The following DTX1 variants were observed in gnomAD, a reference collection of about 807,000 sequenced individuals.
DTX1 encodes the protein deltex E3 ubiquitin ligase 1, also known as E3 ubiquitin-protein ligase DTX1.
DTX1 carries 26 observed loss-of-function variants against 57.8 expected under a neutral mutation model. The observed-to-expected ratio is 0.45, with a 90% CI of 0.33 to 0.62. DTX1 has a LOEUF of 0.62. DTX1 is among the 20% of genes least tolerant of loss of function. The pLI, the probability that DTX1 is intolerant of heterozygous loss-of-function variation, is 0.02. For synonymous variants in DTX1, 398 were observed against 394.1 expected (o/e 1.01, Z -0.12); for missense variants, 704 against 895.3 (o/e 0.79, Z 2.73).
chr12:113,097,277 A>T lies in DTX1; in HGVS notation c.*338A>T. ...TGTACTTGCCCCCAGGCTGGAAGAG[A>T]AGAGACAGAAAGACCCCATGACCCC... On this transcript the variant is annotated 3_prime_UTR_variant, in exon 10 of 10. Transcript: ENST00000548759. The T allele has an allele frequency of 3.8e-6, 1 of 263,304 alleles. No homozygotes were observed. Among genetic ancestry groups the T allele is most frequent in the Non-Finnish European group, 7.2e-6 (1 of 138,730 alleles). The allele number at this position is 263,304 out of a possible 1,614,324, so 16.3% of individuals were successfully genotyped here. A position where few individuals can be genotyped will look rare whatever the true frequency, so the allele number is the denominator to read the frequency against.
At position 113,077,870 on chromosome 12, in the gene DTX1, CCG is replaced by C; in HGVS notation, c.708_709del (p.Pro237ThrfsTer150). ...CCCCGCGCCCCCGCTGCCGCCGCCG[CCG>C]CCACCTGGAGGGCCTCCAGGCGCGC... ...APPAPPLPPP[P>X]PPGGPPGALA... On this transcript the variant is annotated frameshift_variant, in exon 3 of 10. Coordinates refer to ENST00000548759, the MANE Select transcript of DTX1 (RefSeq NM_004416.3). LOFTEE classifies it high-confidence loss of function. This position sits in a 1 kb window ranked among gnomAD's most constrained non-coding sequence, Gnocchi z 7.8. The C allele has an allele frequency of 1.5e-6, 2 of 1,307,466 alleles. No homozygotes were observed. Among genetic ancestry groups the C allele is most frequent in the Non-Finnish European group, 1.9e-6 (2 of 1,038,134 alleles). The allele number at this position is 1,307,466 out of a possible 1,614,324, so 81.0% of individuals were successfully genotyped here.
chr12:113,062,301 G>A (rs1252818079), intron 2 of DTX1, among the ~76,000 whole-genome samples: 1 of 152,158 alleles, frequency 6.6e-6, no homozygotes, highest in East Asian at 1.9e-4. Context: ...TGCAGTCTCT[G>A]TTGTAACTAT....
At chr12:113,092,712 A>G (rs1950257387) in intron 3 of DTX1, among the ~76,000 whole-genome samples, 1 of 152,240 alleles carries the variant, frequency 6.6e-6, no homozygotes, top group Non-Finnish European at 1.5e-5. Flanking sequence ...AGAGGGAGAC[A>G]GTGACGTGTT....
chr12:113,066,792 G>T (rs911198655), intron 2 of DTX1, among the ~76,000 whole-genome samples: 4 of 152,124 alleles, frequency 2.6e-5, no homozygotes, highest in Non-Finnish European at 4.4e-5. Flanking sequence ...CTGTTCTGGG[G>T]GTGAGGGGTG....
At chr12:113,081,757 GAGA>G (rs980805146) in intron 3 of DTX1, among the ~76,000 whole-genome samples, 4 of 152,108 alleles carry the variant, frequency 2.6e-5, no homozygotes, top group Non-Finnish European at 4.4e-5. Flanking sequence ...CAGCAAGAAG[GAGA>G]AGGGCACCCC....
chr12:113,069,812 T>C (rs1051593749), intron 2 of DTX1, among the ~76,000 whole-genome samples: 1 of 152,174 alleles, frequency 6.6e-6, no homozygotes, highest in Non-Finnish European at 1.5e-5. Context: ...TTGCTGGCAC[T>C]GCGGAGCATT....
Position 113,093,436 on chromosome 12 carries a change from A to AT in DTX1, c.1004-103_1004-102insT. The AT allele has an allele frequency of 4.3e-5, 38 of 876,246 alleles. No individual in the cohort carries two copies. Among genetic ancestry groups the AT allele is most frequent in the Non-Finnish European group, 6.0e-5 (35 of 586,192 alleles). 54.3% of individuals were successfully genotyped at this position (876,246 alleles called of 1,614,324 possible). ...CTGAGTGGGTGGGGCCCAAGAGCGC[A>AT]ACCCTCCCACCCACCCGAGGGCCCC... On this transcript the variant is annotated intron_variant, in intron 4 of 9. Transcript: ENST00000548759. The surrounding 1 kb of genome is among the most constrained non-coding windows in gnomAD (Gnocchi z 4.2).
intron 2 of DTX1, among the ~76,000 whole-genome samples, chr12:113,076,519 T>A (rs1170136910): frequency 6.6e-6 from 1 of 150,784 alleles, no homozygotes; most frequent in African/African-American, 2.4e-5. Context: ...ATCTCAGCAC[T>A]TTGGGAGGCC....
At chr12:113,083,650 A>G (rs2044834115) in intron 3 of DTX1, among the ~76,000 whole-genome samples, 1 of 152,230 alleles carries the variant, frequency 6.6e-6, no homozygotes, top group South Asian at 2.1e-4. Flanking sequence ...TTTAATGGCA[A>G]AAACCACCAT....
rs1950260895 is a variant in DTX1, at chr12:113,093,341, C to T, written c.1003+118C>T. ...GTGAGCGTGGCCCGGAGGAAACGCCCCCTTCCACTGGGCCCAGGACACAGG... is the reference window on the plus strand; with the variant it reads ...GTGAGCGTGGCCCGGAGGAAACGCCTCCTTCCACTGGGCCCAGGACACAGG... On this transcript the variant is annotated intron_variant, in intron 4 of 9. Transcript: ENST00000548759. The surrounding 1 kb of genome is among the most constrained non-coding windows in gnomAD (Gnocchi z 4.2). The T allele has an allele frequency of 2.9e-6, 4 of 1,374,986 alleles. No homozygotes were observed. The highest frequency in any genetic ancestry group is 3.9e-6 in the Non-Finnish European group (4 of 1,018,368). The allele number at this position is 1,374,986 out of a possible 1,614,324, so 85.2% of individuals were successfully genotyped here.
intron 2 of DTX1, among the ~76,000 whole-genome samples, chr12:113,063,347 C>T (rs1244461014): frequency 1.3e-5 from 2 of 152,230 alleles, no homozygotes; most frequent in East Asian, 3.9e-4. Context: ...TCCCCTGCCA[C>T]TGGGACAGCC....
At chr12:113,094,682 CAGAG>C (rs1020823755) in intron 6 of DTX1, 103 bp from the exon 7 acceptor site, 153 of 1,420,526 alleles carry the variant, frequency 1.1e-4, no homozygotes, top group Non-Finnish European at 1.4e-4. Flanking sequence ...AAATGGGTAC[CAGAG>C]AGAGTGTGGT....
Position 113,096,886 on chromosome 12 carries a change from G to A in DTX1, c.1810G>A (p.Val604Met), listed in dbSNP as rs768797162. 6 of 1,613,330 alleles carry A rather than the reference G, an allele frequency of 3.7e-6. No homozygotes were observed. Among genetic ancestry groups the A allele is most frequent in the African/African-American group, 1.3e-5 (1 of 74,928 alleles). Residue 604 changes from valine (V) to methionine (M), a missense_variant, in exon 10 of 10, where the codon GTG (valine) becomes ATG (methionine). Transcript: ENST00000548759. ...CCCGGACGCTAGCTACCTAGACAAC[G>A]TGCTGGCTGAGCTCACAGCCCAGGG... ...GYPDASYLDN[V>M]LAELTAQGVS...
Position 113,069,714 on chromosome 12 carries a change from C to A in DTX1, c.260-7710C>A, listed in dbSNP as rs1011733503. ...TCTTCTTAGGGAGCCTCAGTCTCCCCATCTGTCCGATGGGGCTAATATTAG... is the reference window on the plus strand; with the variant it reads ...TCTTCTTAGGGAGCCTCAGTCTCCCAATCTGTCCGATGGGGCTAATATTAG... On this transcript the variant is annotated intron_variant, in intron 2 of 9. Coordinates refer to ENST00000548759, the MANE Select transcript of DTX1 (RefSeq NM_004416.3). Among the ~76,000 whole-genome samples, 4 of 152,114 alleles carry A rather than the reference C, an allele frequency of 2.6e-5. No individual in the cohort carries two copies. In the South Asian group the frequency reaches 6.2e-4, roughly 24 times the overall value.
chr12:113,078,729 A>G (rs977619672), intron 3 of DTX1, among the ~76,000 whole-genome samples: 1 of 152,174 alleles, frequency 6.6e-6, no homozygotes, highest in African/African-American at 2.4e-5. Context: ...TTCAGAGTCC[A>G]TCTGTCCTTG....
intron 2 of DTX1, among the ~76,000 whole-genome samples, chr12:113,071,429 G>A (rs181169945): frequency 8.1e-4 from 124 of 152,364 alleles, no homozygotes; most frequent in African/African-American, 2.8e-3. Context: ...AAAACAGGCC[G>A]AGGCAGAGGC....
In DTX1 at chr12:113,096,900, C is replaced by T. The variant is rs781275547; in HGVS notation, c.1824C>T (p.Leu608=). ...ASYLDNVLAE[L]TAQGVSEAAA... ...ACCTAGACAACGTGCTGGCTGAGCT[C>T]ACAGCCCAGGGCGTATCCGAGGCTG... is the stretch of plus-strand genomic sequence containing the variant. Residue 608 remains leucine (L), a synonymous_variant, in exon 10 of 10, where the codon CTC becomes CTT. Transcript: ENST00000548759. The T allele has an allele frequency of 5.0e-6, 8 of 1,613,102 alleles. No individual in the cohort carries two copies. Among genetic ancestry groups the T allele is most frequent in the Non-Finnish European group, 5.9e-6 (7 of 1,180,022 alleles).
At chr12:113,072,119 A>G (rs1260724423) in intron 2 of DTX1, among the ~76,000 whole-genome samples, 2 of 151,924 alleles carry the variant, frequency 1.3e-5, no homozygotes, top group Non-Finnish European at 2.9e-5. Flanking sequence ...TTGCTCTCCA[A>G]TCTCCACTCC....
chr12:113,093,279 G>A lies in DTX1; in HGVS notation c.1003+56G>A. The A allele has an allele frequency of 2.0e-6, 3 of 1,536,094 alleles. No individual in the cohort carries two copies. The highest frequency in any genetic ancestry group is 2.6e-6 in the Non-Finnish European group (3 of 1,136,840). ...GCGGGGCCCACTAGGAGGCAGCTCC[G>A]CCTGTCACCCGGTGACCCCGCCCCC... is the stretch of plus-strand genomic sequence containing the variant. On this transcript the variant is annotated intron_variant, in intron 4 of 9. Coordinates refer to ENST00000548759, the MANE Select transcript of DTX1 (RefSeq NM_004416.3). The surrounding 1 kb of genome is among the most constrained non-coding windows in gnomAD (Gnocchi z 4.2).
Sources: allele counts gnomAD v4.1 joint callset (sites outside exome capture counted in the v4.1 genomes callset), GRCh38; gene constraint gnomAD v4.1.1; non-coding constraint Gnocchi (gnomAD v3.1); transcripts MANE v1.5; gene names NCBI Gene and HGNC (gene_info 2026-07-23, HGNC 2026-07-21).